The following ATP9A variants were observed in gnomAD, a reference collection of about 807,000 sequenced individuals.
ATP9A encodes the protein probable phospholipid-transporting ATPase IIA.
A neutral mutation model predicts 144.1 loss-of-function variants in ATP9A; 52 were observed. The observed-to-expected ratio is 0.36, with a 90% CI of 0.29 to 0.45. The LOEUF is 0.45. Among genes scored for constraint, ATP9A ranks in the 20% least tolerant of loss-of-function variants. ATP9A has a pLI of 1.00. For synonymous variants in ATP9A, 582 were observed against 557.4 expected (o/e 1.04, Z -0.62); for missense variants, 947 against 1,392.7 (o/e 0.68, Z 5.09).
At chr20:51,692,896 T>C (rs747097181) in intron 7 of ATP9A, among the ~76,000 whole-genome samples, 2 of 152,208 alleles carry the variant, frequency 1.3e-5, no homozygotes, top group Non-Finnish European at 2.9e-5. Flanking sequence ...AAATCATTCA[T>C]AGGGTGGCTA....
chr20:51,618,627 G>C (rs2077213052), intron 21 of ATP9A, 35 bp downstream of exon 21: 1 of 1,590,218 alleles, frequency 6.3e-7, no homozygotes, highest in Non-Finnish European at 8.5e-7. Context: ...GCACCGGCAG[G>C]CCAGGGCCAG....
At chr20:51,763,814 T>C (rs903675344) in intron 1 of ATP9A, among the ~76,000 whole-genome samples, 1 of 152,106 alleles carries the variant, frequency 6.6e-6, no homozygotes, top group Non-Finnish European at 1.5e-5. Context: ...ACGTAGATTG[T>C]TACAATGAGG....
chr20:51,683,819 T>C (rs759494538), intron 9 of ATP9A, among the ~76,000 whole-genome samples: 1 of 152,186 alleles, frequency 6.6e-6, no homozygotes, highest in South Asian at 2.1e-4. Flanking sequence ...TGAGGTAATA[T>C]TCCCTTGCCT....
chr20:51,657,253 AAC>A, intron 13 of ATP9A, 103 bp from the exon 14 acceptor site: 1 of 875,940 alleles, frequency 1.1e-6, no homozygotes, highest in Non-Finnish European at 1.8e-6. Context: ...CTACTGTTCC[AAC>A]ACACAGAACC....
intron 23 of ATP9A, 41 bp from the exon 24 acceptor site, chr20:51,610,206 C>T (rs758440356): frequency 8.1e-6 from 12 of 1,489,846 alleles, no homozygotes; most frequent in Non-Finnish European, 5.6e-6. Context: ...AAAGTCATGA[C>T]AAAATCCCTT....
intron 3 of ATP9A, 33 bp from the exon 4 acceptor site, chr20:51,713,107 A>G (rs1388838284): frequency 1.6e-5 from 26 of 1,576,130 alleles, no homozygotes; most frequent in Non-Finnish European, 2.2e-5. Context: ...GTCTTGCTAC[A>G]GGCAGTGAGC....
intron 15 of ATP9A, among the ~76,000 whole-genome samples, chr20:51,636,011 C>G (rs1180408049): frequency 1.3e-5 from 2 of 152,072 alleles, no homozygotes; most frequent in Non-Finnish European, 2.9e-5. Flanking sequence ...ATACTGACCC[C>G]ATATACACTA....
At chr20:51,616,507 C>T (rs897480227) in intron 22 of ATP9A, among the ~76,000 whole-genome samples, 9 of 152,016 alleles carry the variant, frequency 5.9e-5, no homozygotes, top group Admixed American at 1.3e-4. Context: ...TTAGTAGAGA[C>T]GGGGTTTCAC....
intron 14 of ATP9A, among the ~76,000 whole-genome samples, chr20:51,642,375 A>G (rs2122751022): frequency 6.6e-6 from 1 of 152,120 alleles, no homozygotes; most frequent in South Asian, 2.1e-4. Flanking sequence ...AATTGGTCTC[A>G]AACTCCTGAT....
At chr20:51,618,891 T>C in intron 20 of ATP9A, 63 bp downstream of exon 20, 1 of 1,598,574 alleles carries the variant, frequency 6.3e-7, no homozygotes, top group Non-Finnish European at 8.6e-7. Context: ...GCAGTGCCCC[T>C]GCCGAAGCCG....
At chr20:51,765,349 A>G (rs1318613589) in intron 1 of ATP9A, among the ~76,000 whole-genome samples, 1 of 152,282 alleles carries the variant, frequency 6.6e-6, no homozygotes, top group Admixed American at 6.5e-5. Flanking sequence ...ATCCAAATCC[A>G]TGTCACTGTT....
At position 51,688,945 on chromosome 20, in the gene ATP9A, G is replaced by A. The variant is rs1038692389; in HGVS notation, c.799+119C>T. 2.6e-5 allele frequency: 29 copies of A among 1,112,444 alleles called. 1 individual carries two copies. The highest frequency in any genetic ancestry group is 3.6e-5 in the Non-Finnish European group (27 of 740,982). 68.9% of individuals were successfully genotyped at this position (1,112,444 alleles called of 1,614,324 possible). On this transcript the variant is annotated intron_variant, in intron 9 of 27. Transcript: ENST00000338821. ...TAATTCCCTGGAGGTGTCGGAACAAGTGGAAAATGCCATTTGACCGAGCAC... is the reference window on the plus strand; with the variant it reads ...TAATTCCCTGGAGGTGTCGGAACAAATGGAAAATGCCATTTGACCGAGCAC...
intron 1 of ATP9A, among the ~76,000 whole-genome samples, chr20:51,749,774 T>G (rs916154121): frequency 6.6e-6 from 1 of 152,128 alleles, no homozygotes; most frequent in Admixed American, 6.6e-5. Flanking sequence ...GGAGGGAAAC[T>G]GACTTTGCAA....
rs780250306 is a variant in ATP9A at position 51,671,189 on chromosome 20, G to T, written c.1106C>A (p.Pro369His). ...CGTGCTGGAGCGAACCACGGTCCCG[G>T]GGATTTTCGAGTCCCTTCGAATCAC... is the stretch of plus-strand genomic sequence containing the variant. ...SWVIRRDSKI[P>H]GTVVRSSTIP... is the part of the protein sequence containing the mutation. The change falls in exon 12 of 28, where the codon CCC (proline) becomes CAC (histidine). Residue 369 changes from proline to histidine, a missense_variant. By Grantham distance (77) the Pro-to-His change is moderately conservative (BLOSUM62 -2). This residue lies in a region of ATP9A where 770 missense variants were observed against 1,047.9 expected (regional missense o/e 0.73). Coordinates refer to ENST00000338821, the MANE Select transcript of ATP9A (RefSeq NM_006045.3). 6.2e-7 allele frequency: 1 copy of T among 1,614,052 alleles called. No homozygotes were observed. Among genetic ancestry groups the T allele is most frequent in the Admixed American group, 1.7e-5 (1 of 59,996 alleles).
At chr20:51,612,022 A>C (rs554509959) in intron 23 of ATP9A, among the ~76,000 whole-genome samples, 2 of 152,332 alleles carry the variant, frequency 1.3e-5, no homozygotes, top group East Asian at 3.9e-4. Context: ...CACAAATTAA[A>C]ATATCACCTG....
chr20:51,636,910 CAAA>C (rs1295231960), intron 15 of ATP9A, among the ~76,000 whole-genome samples: 1 of 152,144 alleles, frequency 6.6e-6, no homozygotes, highest in African/African-American at 2.4e-5. Context: ...GCCAACATGG[CAAA>C]ACCCCGTCTC....
chr20:51,624,589 C>G (rs1346263838), intron 18 of ATP9A, among the ~76,000 whole-genome samples: 2 of 152,162 alleles, frequency 1.3e-5, no homozygotes, highest in African/African-American at 4.8e-5. Flanking sequence ...GATCACTCAA[C>G]TAGAATTTAA....
Position 51,768,339 on chromosome 20 carries a change from G to A in ATP9A, c.31C>T (p.Arg11Cys), listed in dbSNP as rs1388063584. 2 of 1,307,424 alleles carry A rather than the reference G, an allele frequency of 1.5e-6. No homozygotes were observed. The highest frequency in any genetic ancestry group is 2.3e-5 in the South Asian group (1 of 44,314). The allele number at this position is 1,307,424 out of a possible 1,614,324, so 81.0% of individuals were successfully genotyped here. Reference sequence around the variant, plus strand: ...CTGCTGTCCATCCGCTTCTTCTGGCGCACCGGCTGCAGCGGGATGTTGTCC... The same window carrying A: ...CTGCTGTCCATCCGCTTCTTCTGGCACACCGGCTGCAGCGGGATGTTGTCC... MTDNIPLQPV[R>C]QKKRMDSRPR... Residue 11 changes from arginine to cysteine, a missense_variant, in exon 1 of 28, where the codon CGC becomes TGC. This residue lies in a region of ATP9A where 770 missense variants were observed against 1,047.9 expected (regional missense o/e 0.73). Coordinates refer to ENST00000338821, the MANE Select transcript of ATP9A (RefSeq NM_006045.3).
At chr20:51,654,429 A>G (rs1181829401) in intron 14 of ATP9A, among the ~76,000 whole-genome samples, 3 of 152,018 alleles carry the variant, frequency 2.0e-5, no homozygotes, top group Non-Finnish European at 4.4e-5. Flanking sequence ...ATTGGTCCAG[A>G]ACTTTAGGAG....
Sources: allele counts gnomAD v4.1 joint callset (sites outside exome capture counted in the v4.1 genomes callset), GRCh38; gene constraint gnomAD v4.1.1; regional missense constraint gnomAD v4.1.1; transcripts MANE v1.5; gene names NCBI Gene and HGNC (gene_info 2026-07-23, HGNC 2026-07-21).